The following JOSD1 variants were observed in gnomAD, a reference collection of about 807,000 sequenced individuals.
JOSD1 encodes the protein Josephin domain containing 1.
JOSD1 carries 11 observed loss-of-function variants against 24.3 expected under a neutral mutation model. That is an observed-to-expected ratio of 0.45 (90% CI 0.29 to 0.75). The LOEUF (loss-of-function observed/expected upper bound fraction) is 0.75, where lower values mean the gene tolerates loss of function less well. Among genes scored for constraint, JOSD1 ranks in the 30% least tolerant of loss-of-function variants. The pLI, the probability that JOSD1 is intolerant of heterozygous loss-of-function variation, is 0.11. For missense variants in JOSD1, 184 were observed against 253.5 expected (o/e 0.73, Z 1.86); for synonymous variants, 106 against 93.8 (o/e 1.13, Z -0.75).
chr22:38,687,797 TGATGA>T lies in JOSD1; in HGVS notation c.*100_*104del, dbSNP rs147760424. The T allele has an allele frequency of 4.1e-6, 3 of 737,324 alleles. No individual in the cohort carries two copies. Among genetic ancestry groups the T allele is most frequent in the African/African-American group, 1.8e-5 (1 of 56,994 alleles). 45.7% of individuals were successfully genotyped at this position (737,324 alleles called of 1,614,324 possible). On this transcript the variant is annotated 3_prime_UTR_variant, in exon 5 of 5. Coordinates refer to ENST00000683374, the MANE Select transcript of JOSD1 (RefSeq NM_001360236.2). ...CTGTCAGATCTGAAGGGGAAAAACT[TGATGA>T]GATGTTTGGGGAAGTGGCAAGGGCA... is the stretch of plus-strand genomic sequence containing the variant.
intron 2 of JOSD1, among the ~76,000 whole-genome samples, chr22:38,691,377 A>AC (rs2092521467): frequency 1.3e-5 from 2 of 151,726 alleles, no homozygotes; most frequent in African/African-American, 4.8e-5. Flanking sequence ...AAAAAAAAAA[A>AC]AAACCCACAG....
Position 38,689,111 on chromosome 22 carries a change from G to A in JOSD1, c.333C>T (p.Ala111=). The change falls in exon 4 of 5, where the codon GCC becomes GCT. Residue 111 remains alanine, a synonymous_variant. Transcript: ENST00000683374. ...TGATGAAGCCCATGACGTTAGTGAG[G>A]GCAATGACACCGACATCCCTGCAGG... ...WDKRRDVGVI[A]LTNVMGFIMN... The A allele has an allele frequency of 1.2e-6, 2 of 1,613,938 alleles. No individual in the cohort carries two copies. The highest frequency in any genetic ancestry group is 1.7e-5 in the Admixed American group (1 of 60,014).
chr22:38,695,444 G>GATTTTTTT (rs774166895), intron 2 of JOSD1, among the ~76,000 whole-genome samples: 1 of 114,774 alleles, frequency 8.7e-6, no homozygotes. Context: ...TTTTTGCCTA[G>GATTTTTTT]TTTTTTTTTT....
At position 38,688,117 on chromosome 22, in the gene JOSD1, T is replaced by TA. The variant is rs2092506180; in HGVS notation, c.510-117dup. The TA allele has an allele frequency of 5.8e-6, 4 of 687,264 alleles. No individual in the cohort carries two copies. The East Asian group carries it at 1.1e-4, about 18-fold the overall frequency. 42.6% of individuals were successfully genotyped at this position (687,264 alleles called of 1,614,324 possible). A position where few individuals can be genotyped will look rare whatever the true frequency, so the allele number is the denominator to read the frequency against. ...CTCGGCAGTCCAAAACACATCCCTG[T>TA]AGTCATCTGGTTTTGGAGGGTTCCA... On this transcript the variant is annotated intron_variant, in intron 4 of 4. Coordinates refer to ENST00000683374, the MANE Select transcript of JOSD1 (RefSeq NM_001360236.2).
rs183213888 is a variant in JOSD1 at position 38,695,873 on chromosome 22, T to C, written c.185+3930A>G. ...GAGTTTCAGACCAGCCTGGCCAACATGGTGAAACCCCGTCTCTACCAAAAA... is the reference window on the plus strand; with the variant it reads ...GAGTTTCAGACCAGCCTGGCCAACACGGTGAAACCCCGTCTCTACCAAAAA... On this transcript the variant is annotated intron_variant, in intron 2 of 4. Coordinates refer to ENST00000683374, the MANE Select transcript of JOSD1 (RefSeq NM_001360236.2). 7.9e-3 allele frequency among the ~76,000 whole-genome samples: 1,202 copies of C among 152,272 alleles called. 22 individuals are homozygous for C. Among genetic ancestry groups the C allele is most frequent in the African/African-American group, 0.028 (1,171 of 41,584 alleles).
rs1346956496 is a variant in JOSD1 at position 38,700,883 on chromosome 22, C to T, written c.-715G>A. ...AGACCCCAGGGCCGCCGGGACTGCT[C>T]GCCGCTGGCGGTCCCCTCACCGCAG... is the stretch of plus-strand genomic sequence containing the variant. On this transcript the variant is annotated 5_prime_UTR_variant, in exon 1 of 5. Transcript: ENST00000683374. 6 of 984,320 alleles carry T rather than the reference C, an allele frequency of 6.1e-6. No individual in the cohort carries two copies. Among genetic ancestry groups the T allele is most frequent in the Admixed American group, 6.2e-5 (1 of 16,142 alleles). The allele number at this position is 984,320 out of a possible 1,614,324, so 61.0% of individuals were successfully genotyped here. A position where few individuals can be genotyped will look rare whatever the true frequency, so the allele number is the denominator to read the frequency against.
At chr22:38,691,248 C>T (rs1316012630) in intron 2 of JOSD1, among the ~76,000 whole-genome samples, 1 of 151,482 alleles carries the variant, frequency 6.6e-6, no homozygotes, top group African/African-American at 2.4e-5. Context: ...GCCTATGGTC[C>T]CAGCTACTCG....
chr22:38,700,725 G>A, intron 1 of JOSD1, 75 bp downstream of exon 1: 3 of 978,906 alleles, frequency 3.1e-6, no homozygotes, highest in South Asian at 4.7e-5. Context: ...GGGCTGGCCC[G>A]CGAGGGGTGG....
At chr22:38,699,172 C>G (rs1042860146) in intron 2 of JOSD1, among the ~76,000 whole-genome samples, 22 of 152,226 alleles carry the variant, frequency 1.4e-4, no homozygotes, top group African/African-American at 4.8e-4. Flanking sequence ...TATTTAGAAG[C>G]TATTTGGACA....
Position 38,700,047 on chromosome 22 carries a change from G to A in JOSD1, c.-60C>T. On this transcript the variant is annotated 5_prime_UTR_variant, in exon 2 of 5. Transcript: ENST00000683374. ...CACCCCACTCTTCCCTCTAGAGGAA[G>A]AATGTAAGCTTCTCAGTCTTTTCCG... 2.0e-6 allele frequency: 3 copies of A among 1,517,248 alleles called. No homozygotes were observed. The allele number at this position is 1,517,248 out of a possible 1,614,324, so 94.0% of individuals were successfully genotyped here. A position where few individuals can be genotyped will look rare whatever the true frequency, so the allele number is the denominator to read the frequency against.
intron 2 of JOSD1, among the ~76,000 whole-genome samples, chr22:38,696,892 T>C (rs958219050): frequency 1.3e-5 from 2 of 152,268 alleles, no homozygotes. Context: ...ACTGCTAGGA[T>C]GAACTTCCTC....
chr22:38,688,093 TC>T, intron 4 of JOSD1, 92 bp from the exon 5 acceptor site: 1 of 813,408 alleles, frequency 1.2e-6, no homozygotes, highest in Non-Finnish European at 2.1e-6. Context: ...CACTCTACCC[TC>T]GGCAGTCCAA....
At chr22:38,689,548 T>C in intron 2 of JOSD1, 124 bp from the exon 3 acceptor site, 5 of 1,264,872 alleles carry the variant, frequency 4.0e-6, no homozygotes, top group Non-Finnish European at 5.4e-6. Flanking sequence ...CACATTCAAG[T>C]GCAATTTCCC....
At chr22:38,699,658 C>G (rs1329880210) in intron 2 of JOSD1, 145 bp downstream of exon 2, 8 of 748,688 alleles carry the variant, frequency 1.1e-5, no homozygotes, top group Non-Finnish European at 1.6e-5. Context: ...TAGTGATTAT[C>G]TTTTCATGTC....
intron 2 of JOSD1, among the ~76,000 whole-genome samples, chr22:38,692,723 G>C (rs1004923043): frequency 5.9e-4 from 83 of 141,490 alleles, no homozygotes; most frequent in African/African-American, 2.1e-3. Flanking sequence ...AGAGGTTGCA[G>C]TGAGCCAAGA....
intron 2 of JOSD1, among the ~76,000 whole-genome samples, chr22:38,690,921 T>C (rs1307477952): frequency 6.6e-6 from 1 of 152,070 alleles, no homozygotes; most frequent in Non-Finnish European, 1.5e-5. Context: ...CTCAGGAGAC[T>C]GAGGCAGCTA....
intron 2 of JOSD1, among the ~76,000 whole-genome samples, chr22:38,695,001 T>C (rs1024803460): frequency 6.6e-6 from 1 of 152,086 alleles, no homozygotes; most frequent in Non-Finnish European, 1.5e-5. Flanking sequence ...TGGATATTAA[T>C]GAAAAAGGAG....
chr22:38,693,732 T>C (rs2092533191), intron 2 of JOSD1, among the ~76,000 whole-genome samples: 1 of 152,280 alleles, frequency 6.6e-6, no homozygotes, highest in Non-Finnish European at 1.5e-5. Context: ...CAGCAGCCTC[T>C]ATTCTTTTAT....
intron 2 of JOSD1, among the ~76,000 whole-genome samples, chr22:38,698,732 C>A (rs2092555295): frequency 1.3e-5 from 2 of 152,140 alleles, no homozygotes; most frequent in Non-Finnish European, 2.9e-5. Flanking sequence ...TAAAGTAATT[C>A]TAGAAAATCA....
Sources: allele counts gnomAD v4.1 joint callset (sites outside exome capture counted in the v4.1 genomes callset), GRCh38; gene constraint gnomAD v4.1.1; transcripts MANE v1.5; gene names NCBI Gene and HGNC (gene_info 2026-07-23, HGNC 2026-07-21).